Variants in BANK1 observed in about 807,000 individuals in gnomAD.
The protein encoded by BANK1 is B cell scaffold protein with ankyrin repeats 1.
In BANK1, 95 loss-of-function variants were observed where a neutral mutation model predicts 94.5. That is an observed-to-expected ratio of 1.00 (90% CI 0.85 to 1.19). The LOEUF is 1.19. BANK1 is among the 50% of genes most tolerant of loss of function. The pLI is 0.00. For missense variants in BANK1, 987 were observed against 932.2 expected (o/e 1.06, Z -0.77); for synonymous variants, 334 against 308.4 (o/e 1.08, Z -0.87).
intron 1 of BANK1, among the ~76,000 whole-genome samples, chr4:101,810,365 C>T (rs1277855045): frequency 6.6e-6 from 1 of 152,150 alleles, no homozygotes; most frequent in African/African-American, 2.4e-5. Flanking sequence ...ATACAGATAT[C>T]TAAACACATG....
chr4:101,976,539 T>A (rs1725136267), intron 7 of BANK1, among the ~76,000 whole-genome samples: 1 of 152,200 alleles, frequency 6.6e-6, no homozygotes, highest in Admixed American at 6.6e-5. Flanking sequence ...GACAATTTTC[T>A]GCTTTGAGCA....
At chr4:101,805,754 T>G (rs1417053350) in intron 1 of BANK1, among the ~76,000 whole-genome samples, 2 of 151,816 alleles carry the variant, frequency 1.3e-5, no homozygotes, top group African/African-American at 4.8e-5. Context: ...ATGTCCAATC[T>G]TAAACTAACA....
At chr4:101,978,910 C>T (rs574922564) in intron 7 of BANK1, among the ~76,000 whole-genome samples, 1 of 152,072 alleles carries the variant, frequency 6.6e-6, no homozygotes, top group East Asian at 1.9e-4. Context: ...AATGATACAT[C>T]CTTTAAGGTT....
At position 101,829,821 on chromosome 4, in the gene BANK1, TATAATA is replaced by T; in HGVS notation, c.87_92del (p.Ile29_Ile30del). 3 of 1,542,602 alleles carry T rather than the reference TATAATA, an allele frequency of 1.9e-6. No individual in the cohort carries two copies. Among genetic ancestry groups the T allele is most frequent in the Non-Finnish European group, 2.6e-6 (3 of 1,143,654 alleles). ...TTCTTTTTCCAGGAAATACAAAAGA[TATAATA>T]ATGATATATGAAGAAGATGCTGAGG... On this transcript the variant is annotated inframe_deletion, in exon 2 of 17. Transcript: ENST00000322953.
intron 5 of BANK1, among the ~76,000 whole-genome samples, chr4:101,890,605 A>G (rs1373129882): frequency 1.4e-5 from 2 of 147,694 alleles, no homozygotes; most frequent in Non-Finnish European, 3.0e-5. Flanking sequence ...GATTTTATTT[A>G]TTATAAAAAA....
rs1180694295 is a variant in BANK1, at chr4:101,827,383, CA to C, written c.71-2419del. Among the ~76,000 whole-genome samples, 9 of 151,488 alleles carry C rather than the reference CA, an allele frequency of 5.9e-5. No homozygotes were observed. In the South Asian group the frequency reaches 1.0e-3, roughly 18 times the overall value. ...TATTATTGTTTAGGGAAAAATGATA[CA>C]AAAAATATTGAATGAAGTCATTATT... On this transcript the variant is annotated intron_variant, in intron 1 of 16. Transcript: ENST00000322953.
chr4:101,862,182 TCTG>T (rs934419212), intron 3 of BANK1, among the ~76,000 whole-genome samples: 4 of 152,120 alleles, frequency 2.6e-5, no homozygotes, highest in Non-Finnish European at 4.4e-5. Flanking sequence ...ATTATAGCCT[TCTG>T]CTGGTCTGCG....
At chr4:101,916,556 A>G (rs966243962) in intron 6 of BANK1, among the ~76,000 whole-genome samples, 4 of 152,022 alleles carry the variant, frequency 2.6e-5, no homozygotes, top group African/African-American at 9.7e-5. Context: ...CAATTTAATT[A>G]TCAGCCATCT....
In BANK1 at chr4:102,021,544, G is replaced by A. The variant is rs1292127815; in HGVS notation, c.1237G>A (p.Glu413Lys). The A allele has an allele frequency of 1.0e-5, 15 of 1,466,478 alleles. No homozygotes were observed. Among genetic ancestry groups the A allele is most frequent in the Non-Finnish European group, 1.3e-5 (14 of 1,089,316 alleles). 90.8% of individuals were successfully genotyped at this position (1,466,478 alleles called of 1,614,324 possible). A position where few individuals can be genotyped will look rare whatever the true frequency, so the allele number is the denominator to read the frequency against. Residue 413 changes from glutamate (E) to lysine (K), a missense_variant, in exon 8 of 17, where the codon GAA (glutamate) becomes AAA (lysine). Physicochemically the swap from Glu to Lys is moderately conservative, Grantham distance 56. Transcript: ENST00000322953. ...AGAAATTGACATAAATAATGAGCAA[G>A]AAAATGATTATGAAGAGGATATTGC... ...IQEIDINNEQ[E>K]NDYEEDIASF... is the part of the protein sequence containing the mutation.
chr4:101,861,328 G>T (rs942622743), intron 3 of BANK1, among the ~76,000 whole-genome samples: 1 of 152,102 alleles, frequency 6.6e-6, no homozygotes, highest in African/African-American at 2.4e-5. Flanking sequence ...TTATTGGTGA[G>T]TAATTTATAC....
chr4:102,021,311 ATTGT>A (rs1439833694), intron 7 of BANK1, among the ~76,000 whole-genome samples, 199 bp from the exon 8 acceptor site: 7 of 152,060 alleles, frequency 4.6e-5, no homozygotes, highest in Non-Finnish European at 8.8e-5. Flanking sequence ...AAAGCAATTC[ATTGT>A]TTATTATAAA....
intron 11 of BANK1, among the ~76,000 whole-genome samples, chr4:102,058,241 A>G (rs1194300152): frequency 6.6e-6 from 1 of 152,134 alleles, no homozygotes; most frequent in African/African-American, 2.4e-5. Flanking sequence ...TTATATACTC[A>G]CTACAATGGG....
chr4:101,947,309 A>ATATATATATATATATATATATATGTATG (rs1176507515), intron 7 of BANK1, among the ~76,000 whole-genome samples: 9 of 67,886 alleles, frequency 1.3e-4, no homozygotes, highest in African/African-American at 2.7e-4. Context: ...ATATATATAT[A>ATATATATATATATATATATATATGTATG]TATGTATATG....
rs1371578010 is a variant in BANK1 at position 102,074,724 on chromosome 4, T to C, written c.*725T>C. ...TCATGTACAAATGCCACAAATAAAT[T>C]GAATGTTTAAAGCTATGTCTGAGTT... On this transcript the variant is annotated 3_prime_UTR_variant, in exon 17 of 17. Transcript: ENST00000322953. 1.3e-5 allele frequency: 2 copies of C among 151,110 alleles called. No individual in the cohort carries two copies. The highest frequency in any genetic ancestry group is 2.4e-5 in the African/African-American group (1 of 41,408). The allele number at this position is 151,110 out of a possible 1,614,324, so 9.4% of individuals were successfully genotyped here.
At chr4:101,799,595 C>T (rs1438569686) in intron 1 of BANK1, among the ~76,000 whole-genome samples, 1 of 152,138 alleles carries the variant, frequency 6.6e-6, no homozygotes, top group African/African-American at 2.4e-5. Flanking sequence ...AATTTGGTGG[C>T]CGGGCCTGGT....
intron 7 of BANK1, among the ~76,000 whole-genome samples, chr4:102,007,385 G>T (rs1330962031): frequency 6.6e-6 from 1 of 150,974 alleles, no homozygotes; most frequent in East Asian, 1.9e-4. Flanking sequence ...TAGCAACTGG[G>T]TATTAGGTTC....
At chr4:101,860,997 A>T (rs950020620) in intron 3 of BANK1, among the ~76,000 whole-genome samples, 1 of 152,194 alleles carries the variant, frequency 6.6e-6, no homozygotes, top group African/African-American at 2.4e-5. Flanking sequence ...GGAACAAAAG[A>T]ACTGTACTAG....
At chr4:101,971,260 A>G (rs1015205618) in intron 7 of BANK1, among the ~76,000 whole-genome samples, 7 of 152,112 alleles carry the variant, frequency 4.6e-5, no homozygotes, top group Non-Finnish European at 1.5e-5. Flanking sequence ...GTGGCTTTTA[A>G]TCAAGTGTGT....
chr4:102,032,201 A>C (rs987725030), intron 10 of BANK1: 3 of 152,222 alleles, frequency 2.0e-5, no homozygotes, highest in African/African-American at 7.2e-5. Context: ...AAATTTTTGA[A>C]GAAATACCTC....
Sources: gnomAD v4.1 joint callset for allele counts (sites outside exome capture counted in the v4.1 genomes callset) on GRCh38, gnomAD v4.1.1 for gene constraint, MANE v1.5 for transcripts, NCBI Gene and HGNC (gene_info 2026-07-23, HGNC 2026-07-21) for gene names.